The following FSTL4 variants were observed in gnomAD, a reference collection of about 807,000 sequenced individuals.
FSTL4 encodes follistatin-related protein 4.
Under a neutral mutation model 78.2 loss-of-function variants are expected in FSTL4, and 28 were observed. The ratio of observed to expected loss-of-function variants is 0.36; its 90% CI spans 0.27 to 0.49. FSTL4 has a LOEUF of 0.49. Among genes scored for constraint, FSTL4 ranks in the 20% least tolerant of loss-of-function variants. FSTL4 has a pLI of 0.98. For missense variants in FSTL4, 922 were observed against 1,084.9 expected (o/e 0.85, Z 2.11); for synonymous variants, 422 against 440.5 (o/e 0.96, Z 0.53).
At chr5:133,549,215 A>G (rs1428948554) in intron 3 of FSTL4, among the ~76,000 whole-genome samples, 2 of 152,058 alleles carry the variant, frequency 1.3e-5, no homozygotes. Flanking sequence ...TTTAACCCCA[A>G]TTACAAATGA....
chr5:133,694,660 T>C, the FSTL4 span, among the ~76,000 whole-genome samples: 1 of 152,252 alleles, frequency 6.6e-6, no homozygotes, highest in Non-Finnish European at 1.5e-5. Context: ...ATTCATCTTA[T>C]GTCTTAGTTT....
At position 133,604,695 on chromosome 5, in the gene FSTL4, T is replaced by C. The variant is rs1452572644; in HGVS notation, c.-10-702A>G. 7.2e-5 allele frequency among the ~76,000 whole-genome samples: 11 copies of C among 152,132 alleles called. 1 individual carries two copies. The South Asian group carries it at 1.9e-3, about 26-fold the overall frequency. ...CTGCACTTTAACCTGGGCGACAGAG[T>C]GAGACTCTTGTCTCAAAAAAAGAAA... On this transcript the variant is annotated intron_variant, in intron 1 of 15. Transcript: ENST00000265342.
intron 4 of FSTL4, among the ~76,000 whole-genome samples, chr5:133,321,556 T>C (rs1288857439): frequency 6.6e-6 from 1 of 152,066 alleles, no homozygotes; most frequent in Non-Finnish European, 1.5e-5. Context: ...TTGAGAATGA[T>C]AGTGGCAGGC....
the FSTL4 span, among the ~76,000 whole-genome samples, chr5:133,689,889 C>T: frequency 1.3e-5 from 2 of 152,026 alleles, no homozygotes; most frequent in Non-Finnish European, 2.9e-5. Flanking sequence ...GGTGAAACCC[C>T]GTTTCTACTA....
At chr5:133,414,844 A>T (rs1419882452) in intron 3 of FSTL4, among the ~76,000 whole-genome samples, 1 of 152,122 alleles carries the variant, frequency 6.6e-6, no homozygotes, top group African/African-American at 2.4e-5. Context: ...CAGACAGCCT[A>T]TTTTCATTTT....
chr5:133,289,206 C>G (rs78158660), intron 6 of FSTL4, among the ~76,000 whole-genome samples: 2,898 of 152,282 alleles, frequency 0.019, 56 homozygotes, highest in South Asian at 0.04. Flanking sequence ...CCAACTGCCC[C>G]GCTATTGATC....
chr5:133,673,083 C>T, the FSTL4 span, among the ~76,000 whole-genome samples: 21 of 152,290 alleles, frequency 1.4e-4, no homozygotes, highest in East Asian at 2.9e-3. Flanking sequence ...TAAACAGTTA[C>T]ATTCTTTTGA....
At chr5:133,455,615 G>A (rs899871924) in intron 3 of FSTL4, among the ~76,000 whole-genome samples, 4 of 152,208 alleles carry the variant, frequency 2.6e-5, no homozygotes, top group Admixed American at 1.3e-4. Context: ...TTTGAAAGAG[G>A]CCTGCAAAAG....
chr5:133,499,587 G>A (rs958148868), intron 3 of FSTL4, among the ~76,000 whole-genome samples: 3 of 152,148 alleles, frequency 2.0e-5, no homozygotes, highest in African/African-American at 7.2e-5. Flanking sequence ...GAAATGTGCT[G>A]TTCATAACAG....
chr5:133,449,205 C>T (rs1030227430), intron 3 of FSTL4, among the ~76,000 whole-genome samples: 16 of 152,162 alleles, frequency 1.1e-4, no homozygotes, highest in African/African-American at 2.9e-4. Flanking sequence ...AGGGTGGCCT[C>T]GCCCTGCACT....
At chr5:133,501,289 C>T (rs1758492494) in intron 3 of FSTL4, among the ~76,000 whole-genome samples, 1 of 151,852 alleles carries the variant, frequency 6.6e-6, no homozygotes, top group African/African-American at 2.4e-5. Context: ...AAATAAAAAG[C>T]AAAAGCAAAC....
intron 3 of FSTL4, among the ~76,000 whole-genome samples, chr5:133,432,894 T>G (rs1034375557): frequency 9.2e-5 from 14 of 152,236 alleles, no homozygotes; most frequent in African/African-American, 3.4e-4. Context: ...CCACAAGCAC[T>G]AAATCTGGCA....
the FSTL4 span, among the ~76,000 whole-genome samples, chr5:133,714,543 C>A: frequency 6.6e-6 from 1 of 152,210 alleles, no homozygotes; most frequent in Non-Finnish European, 1.5e-5. Context: ...CTCTTTGCTG[C>A]GTCTTCACTT....
chr5:133,575,868 C>G (rs1297715791), intron 2 of FSTL4, among the ~76,000 whole-genome samples: 1 of 152,168 alleles, frequency 6.6e-6, no homozygotes, highest in African/African-American at 2.4e-5. Context: ...TTTCTTGAAG[C>G]AGGGAATTAA....
the FSTL4 span, among the ~76,000 whole-genome samples, chr5:133,787,262 A>G: frequency 1.3e-5 from 2 of 152,208 alleles, no homozygotes; most frequent in East Asian, 1.9e-4. Context: ...GGTAGCCTCT[A>G]TCTTACCTGG....
intron 4 of FSTL4, among the ~76,000 whole-genome samples, chr5:133,399,087 A>G (rs975752176): frequency 3.3e-5 from 5 of 152,180 alleles, no homozygotes; most frequent in African/African-American, 9.7e-5. Context: ...TGTTGTTTGA[A>G]TAACCAATGG....
the FSTL4 span, among the ~76,000 whole-genome samples, chr5:133,620,087 A>G: frequency 1.3e-5 from 2 of 152,222 alleles, no homozygotes; most frequent in Admixed American, 1.3e-4. Context: ...TGTCATATCT[A>G]GTTAGGGGAT....
intron 4 of FSTL4, among the ~76,000 whole-genome samples, chr5:133,362,675 G>A (rs1755097438): frequency 6.6e-6 from 1 of 152,262 alleles, no homozygotes; most frequent in Non-Finnish European, 1.5e-5. Context: ...CATGGAGACT[G>A]GAAAATGCTC....
intron 3 of FSTL4, among the ~76,000 whole-genome samples, chr5:133,557,762 A>G (rs1759819905): frequency 6.6e-6 from 1 of 152,200 alleles, no homozygotes; most frequent in Non-Finnish European, 1.5e-5. Context: ...GTATATCTGA[A>G]GCCCAGCACT....
Sources: allele counts gnomAD v4.1 joint callset (sites outside exome capture counted in the v4.1 genomes callset), GRCh38; gene constraint gnomAD v4.1.1; transcripts MANE v1.5; gene names NCBI Gene and HGNC (gene_info 2026-07-23, HGNC 2026-07-21).